CNTN5: variants seen among roughly 807,000 people sequenced by gnomAD.
CNTN5 encodes the protein contactin-5.
CNTN5 carries 77 observed loss-of-function variants against 129.1 expected under a neutral mutation model. That is an observed-to-expected ratio of 0.60 (90% CI 0.50 to 0.72). The LOEUF (loss-of-function observed/expected upper bound fraction) is 0.72, where lower values mean the gene tolerates loss of function less well. CNTN5 is among the 30% of genes least tolerant of loss of function. The pLI is 0.00. For synonymous variants in CNTN5, 509 were observed against 465.6 expected, an observed-to-expected ratio of 1.09 and a Z score of -1.20; for missense variants, 1,478 against 1,328.8, an observed-to-expected ratio of 1.11 and a Z score of -1.75.
intron 1 of CNTN5, among the ~76,000 whole-genome samples, chr11:99,321,293 A>G (rs1865559449): frequency 6.6e-6 from 1 of 151,224 alleles, no homozygotes; most frequent in Admixed American, 6.6e-5. Flanking sequence ...TTCTCTGGAG[A>G]ACACTGACTA....
intron 18 of CNTN5, among the ~76,000 whole-genome samples, chr11:100,293,358 A>G (rs1951035437): frequency 6.6e-6 from 1 of 151,920 alleles, no homozygotes; most frequent in Middle Eastern, 3.4e-3. Context: ...TATTTTGCCT[A>G]GATTTCCAGA....
chr11:100,086,799 C>T (rs1944574950), intron 13 of CNTN5, among the ~76,000 whole-genome samples: 1 of 151,196 alleles, frequency 6.6e-6, no homozygotes, highest in South Asian at 2.1e-4. Context: ...ACAGACTATA[C>T]AAGAAGGAAT....
At chr11:99,635,034 A>C (rs1389055316) in intron 3 of CNTN5, among the ~76,000 whole-genome samples, 1 of 152,202 alleles carries the variant, frequency 6.6e-6, no homozygotes, top group Non-Finnish European at 1.5e-5. Flanking sequence ...ATAAAGAAGG[A>C]ATGCTTCTCA....
At chr11:99,923,155 C>T (rs2136042243) in intron 7 of CNTN5, among the ~76,000 whole-genome samples, 1 of 152,254 alleles carries the variant, frequency 6.6e-6, no homozygotes, top group East Asian at 1.9e-4. Flanking sequence ...CTTGAATTGA[C>T]TTGATAGCTA....
In CNTN5 at chr11:99,840,790, A is replaced by G. The variant is rs192126717; in HGVS notation, c.278-4062A>G. Among the ~76,000 whole-genome samples the G allele has an allele frequency of 8.5e-5, 13 of 152,304 alleles. 1 individual carries two copies. Among genetic ancestry groups the G allele is most frequent in the Admixed American group, 3.9e-4 (6 of 15,298 alleles). On this transcript the variant is annotated intron_variant, in intron 4 of 24. Transcript: ENST00000524871. ...TTGTGATAATTTGCTATTATACAGC[A>G]TTTGAAGTGTTATCTCCAACAAGTT...
chr11:99,197,811 T>A (rs11218766), intron 1 of CNTN5, among the ~76,000 whole-genome samples: 14,737 of 152,092 alleles, frequency 0.097, 915 homozygotes, highest in East Asian at 0.34. Flanking sequence ...GTACAAGGAT[T>A]AACTTGTTTG....
intron 1 of CNTN5, among the ~76,000 whole-genome samples, chr11:99,272,525 C>A (rs867869820): frequency 4.0e-5 from 6 of 151,834 alleles, no homozygotes; most frequent in South Asian, 4.2e-4. Context: ...ACTACAAGTG[C>A]ACACCACCAT....
intron 2 of CNTN5, among the ~76,000 whole-genome samples, chr11:99,350,614 C>T (rs1938230539): frequency 6.6e-6 from 1 of 152,080 alleles, no homozygotes; most frequent in African/African-American, 2.4e-5. Flanking sequence ...AAGAATACTA[C>T]TAAGCGGTAA....
chr11:99,846,102 G>T lies in CNTN5; in HGVS notation c.577+840G>T, dbSNP rs115742145. ...GTCCCAGTTTTCGTATTGCAAAAAA[G>T]ATATTGTATGTGGCTATACGGACAT... On this transcript the variant is annotated intron_variant, in intron 6 of 24. Coordinates refer to ENST00000524871, the MANE Select transcript of CNTN5 (RefSeq NM_014361.4). 5.9e-3 allele frequency among the ~76,000 whole-genome samples: 865 copies of T among 147,218 alleles called. 12 individuals carry two copies. Among genetic ancestry groups the T allele is most frequent in the African/African-American group, 0.021 (823 of 39,902 alleles).
At chr11:100,194,157 C>T (rs1183991443) in intron 15 of CNTN5, among the ~76,000 whole-genome samples, 1 of 151,976 alleles carries the variant, frequency 6.6e-6, no homozygotes, top group South Asian at 2.1e-4. Context: ...CTCATTTCTG[C>T]CATTTTTTTC....
intron 2 of CNTN5, among the ~76,000 whole-genome samples, chr11:99,346,847 A>T (rs1056021362): frequency 2.0e-5 from 3 of 152,150 alleles, no homozygotes; most frequent in Admixed American, 2.0e-4. Flanking sequence ...CCATCCACAA[A>T]TCAGAAAGGA....
intron 3 of CNTN5, among the ~76,000 whole-genome samples, chr11:99,713,771 G>A (rs1955101866): frequency 6.6e-6 from 1 of 151,882 alleles, no homozygotes; most frequent in Non-Finnish European, 1.5e-5. Context: ...TTTTATTGTA[G>A]AAAGTAAATT....
chr11:99,691,739 G>A (rs1453666276), intron 3 of CNTN5, among the ~76,000 whole-genome samples: 1 of 152,084 alleles, frequency 6.6e-6, no homozygotes, highest in East Asian at 1.9e-4. Flanking sequence ...CTTGGGTGCA[G>A]AGTTTGTAGA....
intron 13 of CNTN5, among the ~76,000 whole-genome samples, chr11:100,189,326 G>T (rs1336789402): frequency 6.7e-6 from 1 of 150,300 alleles, no homozygotes; most frequent in Non-Finnish European, 1.5e-5. Context: ...TGGATCAGGG[G>T]CCGAAAGTAC....
intron 13 of CNTN5, among the ~76,000 whole-genome samples, chr11:100,121,598 T>A (rs952071497): frequency 6.6e-6 from 1 of 151,940 alleles, no homozygotes; most frequent in African/African-American, 2.4e-5. Context: ...CATCTGTTGA[T>A]CTCTAAAGGA....
At chr11:99,389,894 C>T (rs1033305517) in intron 2 of CNTN5, among the ~76,000 whole-genome samples, 4 of 151,972 alleles carry the variant, frequency 2.6e-5, no homozygotes, top group African/African-American at 7.2e-5. Flanking sequence ...TTCCTTTAAT[C>T]GAATGTGAAA....
intron 4 of CNTN5, among the ~76,000 whole-genome samples, chr11:99,828,988 G>C (rs1015466560): frequency 6.6e-6 from 1 of 151,982 alleles, no homozygotes; most frequent in African/African-American, 2.4e-5. Flanking sequence ...ATTTATCATA[G>C]TAGTTAGATC....
intron 3 of CNTN5, among the ~76,000 whole-genome samples, chr11:99,707,331 A>G (rs1338904179): frequency 6.6e-6 from 1 of 151,604 alleles, no homozygotes; most frequent in Non-Finnish European, 1.5e-5. Context: ...TTTCATTTTA[A>G]CATATTGTCC....
At chr11:100,353,404 CTGT>C (rs1318216091) in intron 24 of CNTN5, among the ~76,000 whole-genome samples, 4 of 151,514 alleles carry the variant, frequency 2.6e-5, no homozygotes, top group African/African-American at 9.7e-5. Flanking sequence ...GTTGCTCTTT[CTGT>C]TGTTTTGTGG....
Sources: allele counts gnomAD v4.1 joint callset (sites outside exome capture counted in the v4.1 genomes callset), GRCh38; gene constraint gnomAD v4.1.1; transcripts MANE v1.5; gene names NCBI Gene and HGNC (gene_info 2026-07-23, HGNC 2026-07-21).